SYNE1: variants seen among roughly 807,000 people sequenced by gnomAD.
SYNE1 encodes the protein spectrin repeat containing nuclear envelope protein 1, also known as nesprin-1.
Under a neutral mutation model 1,111.0 loss-of-function variants are expected in SYNE1, and 616 were observed. That is an observed-to-expected ratio of 0.55 (90% confidence interval 0.52 to 0.59). SYNE1 has a LOEUF of 0.59. SYNE1 is among the 20% of genes least tolerant of loss of function. SYNE1 has a pLI of 0.00. For synonymous variants in SYNE1, 3,855 were observed against 3,825.8 expected, an observed-to-expected ratio of 1.01 and a Z score of -0.28; for missense variants, 10,006 against 10,417.0, an observed-to-expected ratio of 0.96 and a Z score of 1.72.
At chr6:152,188,721 G>A (rs2071002797) in intron 128 of SYNE1, among the ~76,000 whole-genome samples, 1 of 151,788 alleles carries the variant, frequency 6.6e-6, no homozygotes, top group Non-Finnish European at 1.5e-5. Context: ...CACTTTGGGA[G>A]GGCGAGGCGG....
At chr6:152,459,175 C>T (rs747659300) in intron 21 of SYNE1, among the ~76,000 whole-genome samples, 1 of 152,078 alleles carries the variant, frequency 6.6e-6, no homozygotes, top group East Asian at 1.9e-4. Context: ...TCATCTAAAT[C>T]GTCCATCTGG....
At chr6:152,438,884 T>C (rs903996839) in intron 32 of SYNE1, among the ~76,000 whole-genome samples, 1 of 152,166 alleles carries the variant, frequency 6.6e-6, no homozygotes, top group African/African-American at 2.4e-5. Context: ...AATGGCTCTG[T>C]TTTTTGAATG....
chr6:152,392,288 C>G (rs938493730), intron 51 of SYNE1, among the ~76,000 whole-genome samples: 9 of 152,084 alleles, frequency 5.9e-5, no homozygotes, highest in Non-Finnish European at 2.9e-5. Context: ...TTTCGAAAAG[C>G]TGTTGTAGGA....
At chr6:152,631,438 G>T (rs1479246029) in intron 2 of SYNE1, among the ~76,000 whole-genome samples, 1 of 152,192 alleles carries the variant, frequency 6.6e-6, no homozygotes, top group African/African-American at 2.4e-5. Context: ...GCTATGCTCA[G>T]AAGTTTGGTT....
chr6:152,250,047 G>C (rs2088653381), intron 104 of SYNE1, among the ~76,000 whole-genome samples: 2 of 152,008 alleles, frequency 1.3e-5, no homozygotes, highest in African/African-American at 2.4e-5. Context: ...CAGATCACTT[G>C]AGGCCAGGAG....
chr6:152,343,996 T>C, intron 74 of SYNE1, 85 bp downstream of exon 74: 1 of 1,575,440 alleles, frequency 6.3e-7, no homozygotes, highest in East Asian at 2.2e-5. Flanking sequence ...TCAATACAGT[T>C]TGGCACATCA....
chr6:152,355,417 G>A (rs1422371736), intron 66 of SYNE1, among the ~76,000 whole-genome samples: 1 of 152,170 alleles, frequency 6.6e-6, no homozygotes, highest in African/African-American at 2.4e-5. Context: ...TGCTTCCTAA[G>A]GAGGAATCTT....
Position 152,450,717 on chromosome 6 carries a change from A to G in SYNE1, c.3303T>C (p.Cys1101=), listed in dbSNP as rs369863768. Residue 1101 remains cysteine, a synonymous_variant, in exon 27 of 146, where the codon TGT becomes TGC. Coordinates refer to ENST00000367255, the MANE Select transcript of SYNE1 (RefSeq NM_182961.4). Reference sequence around the variant, plus strand: ...CTCTGAGCTCTTTGAGAGTCACGTGACAGGTTCCAGGTGTGTCCCTTACTG... The same window carrying G: ...CTCTGAGCTCTTTGAGAGTCACGTGGCAGGTTCCAGGTGTGTCCCTTACTG... ...RDPVRDTPGT[C]HVTLKELRAA... is the part of the protein sequence containing the mutation. The G allele has an allele frequency of 1.6e-4, 252 of 1,614,008 alleles. No homozygotes were observed. The highest frequency in any genetic ancestry group is 2.1e-4 in the Non-Finnish European group (244 of 1,180,026).
Position 152,318,188 on chromosome 6 carries a change from G to A in SYNE1, c.16465C>T (p.Gln5489Ter). The A allele has an allele frequency of 6.2e-7, 1 of 1,614,056 alleles. No individual in the cohort carries two copies. The highest frequency in any genetic ancestry group is 8.5e-7 in the Non-Finnish European group (1 of 1,180,012). ...LDAAVQKFLE[Q>*]NGQLGKPLAK... ...AGTGGCTTACCCAGTTGGCCATTCT[G>A]TTCCAAGAATTTCTGTACTGCTGCA... Residue 5489 changes from glutamine to a stop codon, truncating the protein, a stop_gained, in exon 86 of 146, where the codon CAG becomes TAG. Transcript: ENST00000367255. LOFTEE classifies it high-confidence loss of function.
At chr6:152,161,112 A>G (rs1400856797) in intron 131 of SYNE1, among the ~76,000 whole-genome samples, 1 of 150,426 alleles carries the variant, frequency 6.6e-6, no homozygotes, top group Non-Finnish European at 1.5e-5. Context: ...GTTATTTTAT[A>G]AAAGTCCCCC....
intron 14 of SYNE1, among the ~76,000 whole-genome samples, chr6:152,482,236 G>A (rs2098908848): frequency 6.6e-6 from 1 of 152,024 alleles, no homozygotes. Context: ...GCCCCAGAGA[G>A]GCATAAAATA....
chr6:152,526,806 G>A (rs985392434), intron 4 of SYNE1, among the ~76,000 whole-genome samples: 1 of 152,124 alleles, frequency 6.6e-6, no homozygotes, highest in Non-Finnish European at 1.5e-5. Flanking sequence ...AAGATCATAA[G>A]CACAAAAGTA....
Position 152,182,937 on chromosome 6 carries a change from C to T in SYNE1, c.23302-2643G>A, listed in dbSNP as rs73780622. Among the ~76,000 whole-genome samples the T allele has an allele frequency of 3.7e-3, 566 of 152,182 alleles. 4 individuals carry two copies. The highest frequency in any genetic ancestry group is 0.013 in the African/African-American group (553 of 41,510). On this transcript the variant is annotated intron_variant, in intron 128 of 145. Coordinates refer to ENST00000367255, the MANE Select transcript of SYNE1 (RefSeq NM_182961.4). The stretch of plus-strand genomic sequence containing the variant: ...TTTCCCCATTAGTATAATTTAGTTT[C>T]TCATTGAGGTTTTTGGAGGCAGAAT...
At chr6:152,438,990 T>C (rs2098502167) in intron 32 of SYNE1, among the ~76,000 whole-genome samples, 1 of 152,206 alleles carries the variant, frequency 6.6e-6, no homozygotes, top group Non-Finnish European at 1.5e-5. Flanking sequence ...AGATCTTGAG[T>C]GAGTTCATCA....
In SYNE1 at chr6:152,176,542, C is replaced by A; in HGVS notation, c.23479G>T (p.Ala7827Ser). The A allele has an allele frequency of 6.2e-7, 1 of 1,614,108 alleles. No homozygotes were observed. Among genetic ancestry groups the A allele is most frequent in the Non-Finnish European group, 8.5e-7 (1 of 1,179,986 alleles). ...TGTATTTTGTTCTCTTGAGCAATAGCAATTTCCTCTTGATAATCCTGTGTA... is the reference window on the plus strand; with the variant it reads ...TGTATTTTGTTCTCTTGAGCAATAGAAATTTCCTCTTGATAATCCTGTGTA... ...KLKKDYQEEI[A>S]IAQENKIQLQ... is the part of the protein sequence containing the mutation. Residue 7827 changes from alanine to serine, a missense_variant, in exon 130 of 146, where the codon GCT (alanine) becomes TCT (serine). Ala to Ser is a moderately conservative substitution (Grantham distance 99). Coordinates refer to ENST00000367255, the MANE Select transcript of SYNE1 (RefSeq NM_182961.4).
At chr6:152,185,619 A>T (rs2069627447) in intron 128 of SYNE1, among the ~76,000 whole-genome samples, 1 of 152,240 alleles carries the variant, frequency 6.6e-6, no homozygotes. Context: ...CTTTAGCTTC[A>T]AGCATTAAGA....
chr6:152,240,194 G>A (rs1588508134), intron 107 of SYNE1, among the ~76,000 whole-genome samples: 1 of 152,114 alleles, frequency 6.6e-6, no homozygotes, highest in East Asian at 1.9e-4. Context: ...GGAAACACAG[G>A]GAAAGGTAGA....
intron 3 of SYNE1, among the ~76,000 whole-genome samples, chr6:152,609,791 G>A (rs2758793): frequency 0.72 from 108,821 of 152,026 alleles, 39,039 homozygotes; most frequent in East Asian, 0.81. Flanking sequence ...TCAGGCAGCA[G>A]TATTTGCTCT....
intron 78 of SYNE1, among the ~76,000 whole-genome samples, chr6:152,329,042 T>C (rs2153966488): frequency 6.6e-6 from 1 of 152,290 alleles, no homozygotes; most frequent in African/African-American, 2.4e-5. Context: ...TCACATTGTT[T>C]ACAAAGGGCA....
Sources: gnomAD v4.1 joint callset for allele counts (sites outside exome capture counted in the v4.1 genomes callset) on GRCh38, gnomAD v4.1.1 for gene constraint, MANE v1.5 for transcripts, NCBI Gene and HGNC (gene_info 2026-07-23, HGNC 2026-07-21) for gene names.